RICTOR: variants seen among roughly 807,000 people sequenced by gnomAD.
RICTOR encodes rapamycin-insensitive companion of mTOR.
Under a neutral mutation model 214.9 loss-of-function variants are expected in RICTOR, and 49 were observed. The observed-to-expected ratio is 0.23, with a 90% CI of 0.18 to 0.29. The LOEUF is 0.29. Among genes scored for constraint, RICTOR ranks in the 10% least tolerant of loss-of-function variants. The pLI, the probability that RICTOR is intolerant of heterozygous loss-of-function variation, is 1.00. For synonymous variants in RICTOR, 717 were observed against 711.3 expected, an observed-to-expected ratio of 1.01 and a Z score of -0.13; for missense variants, 1,625 against 2,047.0, an observed-to-expected ratio of 0.79 and a Z score of 3.98.
intron 11 of RICTOR, chr5:38,970,537 T>A (rs1750693092): frequency 6.6e-6 from 1 of 152,220 alleles, no homozygotes; most frequent in Non-Finnish European, 1.5e-5. Flanking sequence ...ATTATATCCT[T>A]CCATTTCCAT....
At chr5:39,056,373 C>T (rs1561071373) in intron 2 of RICTOR, among the ~76,000 whole-genome samples, 2 of 152,150 alleles carry the variant, frequency 1.3e-5, no homozygotes, top group African/African-American at 2.4e-5. Context: ...GTGGCTCATA[C>T]CTACAATCCC....
At chr5:38,960,331 AGAGG>A in intron 20 of RICTOR, 63 bp downstream of exon 20, 1 of 1,470,444 alleles carries the variant, frequency 6.8e-7, no homozygotes, top group South Asian at 1.2e-5. Flanking sequence ...AGGTGGAAAC[AGAGG>A]GAGGGTAAGG....
intron 27 of RICTOR, 150 bp from the exon 28 acceptor site, chr5:38,953,703 C>G (rs1369131171): frequency 1.2e-5 from 4 of 331,226 alleles, no homozygotes; most frequent in Non-Finnish European, 2.2e-5. Flanking sequence ...TCTTGAGAAG[C>G]AGCATAGGGC....
intron 26 of RICTOR, 52 bp downstream of exon 26, chr5:38,955,543 T>C: frequency 1.0e-6 from 1 of 977,062 alleles, no homozygotes. Context: ...CTCAGAAATG[T>C]TAAAAATAAT....
intron 9 of RICTOR, 128 bp from the exon 10 acceptor site, chr5:38,975,732 A>G: frequency 5.4e-6 from 3 of 557,156 alleles, no homozygotes; most frequent in South Asian, 3.0e-5. Context: ...AATTAAAACA[A>G]GACAAAGATC....
At chr5:38,990,284 T>G (rs1180053067) in intron 7 of RICTOR, among the ~76,000 whole-genome samples, 1 of 150,582 alleles carries the variant, frequency 6.6e-6, no homozygotes, top group Non-Finnish European at 1.5e-5. Context: ...TAAGTGGGAG[T>G]TGAATAATGA....
Position 38,941,949 on chromosome 5 carries a change from G to C in RICTOR, c.*355C>G, listed in dbSNP as rs1216798235. ...AATCATTCAGAAATAACTTGTGAAG[G>C]GTGCTTCTGCATATCCCATTATTGT... On this transcript the variant is annotated 3_prime_UTR_variant, in exon 38 of 38. Coordinates refer to ENST00000357387, the MANE Select transcript of RICTOR (RefSeq NM_152756.5). The C allele has an allele frequency of 4.2e-6, 1 of 240,930 alleles. No individual in the cohort carries two copies. Among genetic ancestry groups the C allele is most frequent in the Non-Finnish European group, 8.1e-6 (1 of 123,354 alleles). 14.9% of individuals were successfully genotyped at this position (240,930 alleles called of 1,614,324 possible).
intron 34 of RICTOR, 168 bp from the exon 35 acceptor site, chr5:38,945,236 G>A (rs1304100882): frequency 1.6e-6 from 1 of 624,894 alleles, no homozygotes; most frequent in Non-Finnish European, 2.7e-6. Context: ...AATAACTACA[G>A]CATGCAAAGG....
chr5:39,035,098 C>A (rs561470542), intron 2 of RICTOR, among the ~76,000 whole-genome samples: 1 of 152,174 alleles, frequency 6.6e-6, no homozygotes, highest in Non-Finnish European at 1.5e-5. Flanking sequence ...ACACCTCACA[C>A]GGCCAGGTAC....
rs1255612304 is a variant in RICTOR at position 38,949,794 on chromosome 5, C to G, written c.4054G>C (p.Ala1352Pro). 1.2e-6 allele frequency: 2 copies of G among 1,613,416 alleles called. No individual in the cohort carries two copies. Among genetic ancestry groups the G allele is most frequent in the Admixed American group, 1.7e-5 (1 of 59,926 alleles). ...AATAGCACATCTTTTGCTGGAGATGCCAAAGCTTCAGAGTGAGATAAGGAT... is the reference window on the plus strand; with the variant it reads ...AATAGCACATCTTTTGCTGGAGATGGCAAAGCTTCAGAGTGAGATAAGGAT... ...HPSLSHSEAL[A>P]SPAKDVLFTD... The change falls in exon 31 of 38, where the codon GCA becomes CCA. Residue 1352 changes from alanine (A) to proline (P), a missense_variant. Transcript: ENST00000357387.
intron 2 of RICTOR, among the ~76,000 whole-genome samples, chr5:39,046,174 A>T (rs1426560396): frequency 6.6e-6 from 1 of 150,820 alleles, no homozygotes; most frequent in Non-Finnish European, 1.5e-5. Flanking sequence ...GCACTGTAAG[A>T]CTCCTGTCTC....
chr5:39,048,407 T>G (rs1757637154), intron 2 of RICTOR, among the ~76,000 whole-genome samples: 1 of 152,212 alleles, frequency 6.6e-6, no homozygotes, highest in Non-Finnish European at 1.5e-5. Flanking sequence ...ACTAACAATA[T>G]GTTTTACATG....
chr5:39,029,098 A>G (rs1756079474), intron 2 of RICTOR, among the ~76,000 whole-genome samples: 1 of 152,144 alleles, frequency 6.6e-6, no homozygotes, highest in Non-Finnish European at 1.5e-5. Context: ...AAAGTAACCA[A>G]TTGGAAACAG....
intron 34 of RICTOR, 47 bp from the exon 35 acceptor site, chr5:38,945,115 A>G: frequency 7.6e-7 from 1 of 1,313,630 alleles, no homozygotes; most frequent in Non-Finnish European, 1.1e-6. Flanking sequence ...TAACGGCTTA[A>G]TTCCTGTGCT....
At chr5:38,994,267 G>A (rs1580041726) in intron 6 of RICTOR, among the ~76,000 whole-genome samples, 1 of 151,350 alleles carries the variant, frequency 6.6e-6, no homozygotes, top group Non-Finnish European at 1.5e-5. Flanking sequence ...AATAAATTCT[G>A]TATTTAGATT....
At chr5:39,014,268 G>A (rs965106737) in intron 3 of RICTOR, among the ~76,000 whole-genome samples, 12 of 152,156 alleles carry the variant, frequency 7.9e-5, no homozygotes, top group African/African-American at 2.6e-4. Context: ...AATAAACTGA[G>A]CATGATAGTA....
chr5:39,009,629 G>T (rs1181974077), intron 3 of RICTOR, among the ~76,000 whole-genome samples: 1 of 152,018 alleles, frequency 6.6e-6, no homozygotes, highest in Non-Finnish European at 1.5e-5. Flanking sequence ...ATTCAATAAT[G>T]GTTAAATGCC....
At position 38,981,933 on chromosome 5, in the gene RICTOR, A is replaced by T. The variant is rs1397617330; in HGVS notation, c.687T>A (p.Thr229=). 4.3e-6 allele frequency: 7 copies of T among 1,612,916 alleles called. No individual in the cohort carries two copies. Among genetic ancestry groups the T allele is most frequent in the African/African-American group, 1.3e-5 (1 of 74,930 alleles). The change falls in exon 8 of 38, where the codon ACT becomes ACA. Residue 229 remains threonine (T), a synonymous_variant. Coordinates refer to ENST00000357387, the MANE Select transcript of RICTOR (RefSeq NM_152756.5). The stretch of plus-strand genomic sequence containing the variant: ...GATGATTAAGAAGGTGCAAAATTGT[A>T]GTAATTAGGGCCTCATTTATTCGAC... ...QLSRINEALI[T]TILHLLNHPK... is the part of the protein sequence containing the mutation.
intron 6 of RICTOR, among the ~76,000 whole-genome samples, chr5:38,996,294 G>A (rs1222192624): frequency 6.6e-6 from 1 of 152,160 alleles, no homozygotes; most frequent in African/African-American, 2.4e-5. Context: ...GGCCTCTCAA[G>A]AGAAGCATTA....
Sources: gnomAD v4.1 joint callset for allele counts (sites outside exome capture counted in the v4.1 genomes callset) on GRCh38, gnomAD v4.1.1 for gene constraint, MANE v1.5 for transcripts, NCBI Gene and HGNC (gene_info 2026-07-23, HGNC 2026-07-21) for gene names.